Variants in ST14 observed in about 807,000 individuals in gnomAD.
The protein encoded by ST14 is suppressor of tumorigenicity 14 protein.
ST14 carries 40 observed loss-of-function variants against 96.5 expected under a neutral mutation model. The ratio of observed to expected loss-of-function variants is 0.41; its 90% CI spans 0.32 to 0.54. The LOEUF (loss-of-function observed/expected upper bound fraction) is 0.54. Among genes scored for constraint, ST14 ranks in the 20% least tolerant of loss-of-function variants. ST14 has a pLI of 0.17. For missense variants in ST14, 1,066 were observed against 1,188.9 expected, an observed-to-expected ratio of 0.90 and a Z score of 1.52; for synonymous variants, 506 against 492.1, an observed-to-expected ratio of 1.03 and a Z score of -0.37.
chr11:130,192,801 T>C (rs1445673432), intron 7 of ST14, among the ~76,000 whole-genome samples: 5 of 152,212 alleles, frequency 3.3e-5, no homozygotes, highest in Non-Finnish European at 7.3e-5. Context: ...AAGTATATTA[T>C]GATGGTCTTT....
In ST14 at chr11:130,194,490, C is replaced by T. The variant is rs1321320486; in HGVS notation, c.1016-150C>T. On this transcript the variant is annotated intron_variant, in intron 8 of 18. Coordinates refer to ENST00000278742, the MANE Select transcript of ST14 (RefSeq NM_021978.4). ...CAGGAGCCCTCCTGAAGCTTCGGCA[C>T]CCGGCACCTGGCCTTCCTGGCTGTG... is the stretch of plus-strand genomic sequence containing the variant. 5 of 1,116,880 alleles carry T rather than the reference C, an allele frequency of 4.5e-6. No homozygotes were observed. The African/African-American group carries it at 4.6e-5, about 10-fold the overall frequency. 69.2% of individuals were successfully genotyped at this position (1,116,880 alleles called of 1,614,324 possible).
At chr11:130,194,500 G>A in intron 8 of ST14, 140 bp from the exon 9 acceptor site, 4 of 1,131,796 alleles carry the variant, frequency 3.5e-6, no homozygotes, top group Non-Finnish European at 5.2e-6. Context: ...CCCGGCACCT[G>A]GCCTTCCTGG....
At chr11:130,190,255 T>A in intron 6 of ST14, 107 bp downstream of exon 6, 2 of 1,511,564 alleles carry the variant, frequency 1.3e-6, no homozygotes, top group Non-Finnish European at 1.8e-6. Context: ...GAATGAAGTA[T>A]ATTATGACGA....
rs11827924 is a variant in ST14, at chr11:130,198,596, G to C, written c.1659G>C (p.Gly553=). Residue 553 remains glycine (G), a synonymous_variant, in exon 14 of 19, where the codon GGG becomes GGC. Transcript: ENST00000278742. ...QCNGKDDCGD[G]SDEASCPKVN... ...ATGGGAAGGACGACTGTGGGGACGG[G>C]TCCGACGAGGCCTCCTGCCCCAAGG... is the stretch of plus-strand genomic sequence containing the variant. 215,291 of 1,613,578 alleles carry C rather than the reference G, an allele frequency of 0.13. 14,854 individuals carry two copies. Among genetic ancestry groups the C allele is most frequent in the East Asian group, 0.17 (7,624 of 44,842 alleles).
At chr11:130,171,620 C>A (rs558050822) in intron 1 of ST14, among the ~76,000 whole-genome samples, 2 of 152,302 alleles carry the variant, frequency 1.3e-5, no homozygotes, top group East Asian at 1.9e-4. Flanking sequence ...GGTCCCCGCA[C>A]GTTTGTGTCT....
chr11:130,202,823 G>A (rs771230752), intron 16 of ST14, among the ~76,000 whole-genome samples: 11 of 152,130 alleles, frequency 7.2e-5, no homozygotes, highest in Non-Finnish European at 1.3e-4. Context: ...CTTAAAAAGC[G>A]CGACCCTACC....
chr11:130,196,854 C>A, intron 11 of ST14, 154 bp downstream of exon 11: 2 of 1,129,552 alleles, frequency 1.8e-6, no homozygotes, highest in Non-Finnish European at 2.6e-6. Context: ...GGAAAACACG[C>A]TACCTTTGAT....
chr11:130,162,350 A>G (rs1291697978), intron 1 of ST14, among the ~76,000 whole-genome samples: 1 of 152,176 alleles, frequency 6.6e-6, no homozygotes, highest in East Asian at 1.9e-4. Flanking sequence ...ATGGCCATTA[A>G]TGAGAGCCAG....
In ST14 at chr11:130,188,263, G is replaced by C; in HGVS notation, c.231G>C (p.Trp77Cys). The C allele has an allele frequency of 6.2e-7, 1 of 1,613,346 alleles. No homozygotes were observed. Among genetic ancestry groups the C allele is most frequent in the Non-Finnish European group, 8.5e-7 (1 of 1,179,470 alleles). ...LVLLGIGFLVWHLQYRDVRVQ... is the reference protein window; with the variant it reads ...LVLLGIGFLVCHLQYRDVRVQ... ...TGCTGGGGATCGGCTTCCTGGTGTG[G>C]CATTTGCAGTGTGAGTAAAGCTGGG... The change falls in exon 2 of 19, where the codon TGG (tryptophan) becomes TGC (cysteine). Residue 77 changes from tryptophan to cysteine, a missense_variant. Trp to Cys is a radical substitution (Grantham distance 215). Coordinates refer to ENST00000278742, the MANE Select transcript of ST14 (RefSeq NM_021978.4). This position sits in a 1 kb window ranked among gnomAD's most constrained non-coding sequence, Gnocchi z 5.4.
chr11:130,173,728 T>G (rs1252582891), intron 1 of ST14, among the ~76,000 whole-genome samples: 1 of 152,198 alleles, frequency 6.6e-6, no homozygotes. Context: ...AATCCTTGGC[T>G]GGCCCACATC....
intron 8 of ST14, 72 bp downstream of exon 8, chr11:130,194,360 C>G: frequency 6.3e-7 from 1 of 1,596,118 alleles, no homozygotes; most frequent in Non-Finnish European, 8.6e-7. Flanking sequence ...TGGGGGTGAC[C>G]TGAGCTTAGG....
chr11:130,196,521 C>T (rs201362307), intron 10 of ST14, 49 bp from the exon 11 acceptor site: 3 of 1,532,748 alleles, frequency 2.0e-6, no homozygotes, highest in East Asian at 4.7e-5. Context: ...CCCCCAGCCC[C>T]CCGGCTCCCA....
chr11:130,167,855 C>T (rs1953055761), intron 1 of ST14, among the ~76,000 whole-genome samples: 1 of 152,124 alleles, frequency 6.6e-6, no homozygotes, highest in Non-Finnish European at 1.5e-5. Flanking sequence ...GCTGGAATTA[C>T]AGGTGTGCGC....
chr11:130,174,310 C>G (rs1009061237), intron 1 of ST14, among the ~76,000 whole-genome samples: 11 of 152,304 alleles, frequency 7.2e-5, no homozygotes, highest in African/African-American at 2.6e-4. Context: ...TAGGTGTCTT[C>G]AAGAAATATC....
intron 16 of ST14, among the ~76,000 whole-genome samples, chr11:130,203,723 G>A (rs982359299): frequency 1.3e-5 from 2 of 152,124 alleles, no homozygotes; most frequent in Non-Finnish European, 2.9e-5. Flanking sequence ...CGCGATCTCA[G>A]CTCACTGCAA....
intron 7 of ST14, among the ~76,000 whole-genome samples, chr11:130,192,537 C>T (rs1216268332): frequency 1.3e-5 from 2 of 152,148 alleles, no homozygotes; most frequent in Non-Finnish European, 1.5e-5. Context: ...TACAGGCATG[C>T]GCCACAACAC....
At position 130,188,200 on chromosome 11, in the gene ST14, G is replaced by A. The variant is rs1055925056; in HGVS notation, c.168G>A (p.Val56=). 3.9e-5 allele frequency: 63 copies of A among 1,614,222 alleles called. No homozygotes were observed. Among genetic ancestry groups the A allele is most frequent in the Non-Finnish European group, 5.3e-5 (62 of 1,180,038 alleles). ...AAAAGCATGGCCCGGGGCGCTGGGTGGTGCTGGCAGCCGTGCTGATCGGCC... is the reference window on the plus strand; with the variant it reads ...AAAAGCATGGCCCGGGGCGCTGGGTAGTGCTGGCAGCCGTGCTGATCGGCC... ...KVEKHGPGRW[V]VLAAVLIGLL... Residue 56 remains valine (V), a synonymous_variant, in exon 2 of 19, where the codon GTG becomes GTA. Transcript: ENST00000278742. The surrounding 1 kb of genome is among the most constrained non-coding windows in gnomAD (Gnocchi z 5.4).
At chr11:130,193,583 C>T (rs543478628) in intron 7 of ST14, among the ~76,000 whole-genome samples, 4 of 152,014 alleles carry the variant, frequency 2.6e-5, no homozygotes, top group Non-Finnish European at 5.9e-5. Context: ...GATTCTCCTG[C>T]CTCAGCCTCT....
In ST14 at chr11:130,188,997, G is replaced by A. The variant is rs1214318219; in HGVS notation, c.440+58G>A. On this transcript the variant is annotated intron_variant, in intron 4 of 18. Transcript: ENST00000278742. The surrounding 1 kb of genome is among the most constrained non-coding windows in gnomAD (Gnocchi z 5.4). Reference sequence around the variant, plus strand: ...CCCCAGACTGGCTGGGAGTAGGATCGGGGTACAGTGTGTGGGGCAGGAAGC... The same window carrying A: ...CCCCAGACTGGCTGGGAGTAGGATCAGGGTACAGTGTGTGGGGCAGGAAGC... 18 of 1,544,042 alleles carry A rather than the reference G, an allele frequency of 1.2e-5. No individual in the cohort carries two copies. In the Middle Eastern group the frequency reaches 8.4e-4, roughly 72 times the overall value.
Sources: gnomAD v4.1 joint callset for allele counts (sites outside exome capture counted in the v4.1 genomes callset) on GRCh38, gnomAD v4.1.1 for gene constraint, Gnocchi (gnomAD v3.1) non-coding constraint, MANE v1.5 for transcripts, NCBI Gene and HGNC (gene_info 2026-07-23, HGNC 2026-07-21) for gene names.